Variants in NEIL1 observed in about 807,000 individuals in gnomAD.
NEIL1 encodes endonuclease 8-like 1.
A neutral mutation model predicts 44.2 loss-of-function variants in NEIL1; 31 were observed. The observed-to-expected ratio is 0.70, with a 90% confidence interval of 0.53 to 0.95. The LOEUF (loss-of-function observed/expected upper bound fraction) is 0.95, where lower values mean the gene tolerates loss of function less well. Among genes scored for constraint, NEIL1 ranks in the 40% least tolerant of loss-of-function variants. The pLI is 0.00. For synonymous variants in NEIL1, 254 were observed against 209.7 expected (o/e 1.21, Z -1.83); for missense variants, 549 against 515.5 (o/e 1.07, Z -0.63).
At chr15:75,353,224 T>TAC (rs10653888) in intron 5 of NEIL1, 4,014 of 162,786 alleles carry the variant, frequency 0.025, 75 homozygotes, top group African/African-American at 0.061. Context: ...TATATATTTA[T>TAC]ACACACACAC....
At chr15:75,352,964 A>AC (rs1435690098) in intron 5 of NEIL1, 2 of 371,226 alleles carry the variant, frequency 5.4e-6, no homozygotes, top group Non-Finnish European at 1.0e-5. Context: ...ACATGGTGAA[A>AC]CCCCATCTCT....
In NEIL1 at chr15:75,356,770, G is replaced by C. The variant is rs1238947374; in HGVS notation, c.*1736G>C. ...ACCCATTTCTCCATGCCAGCTCCCAGGCCTGGTGGGTACCCCACTTACAGC... is the reference window on the plus strand; with the variant it reads ...ACCCATTTCTCCATGCCAGCTCCCACGCCTGGTGGGTACCCCACTTACAGC... On this transcript the variant is annotated 3_prime_UTR_variant, in exon 10 of 10. Coordinates refer to ENST00000355059, the MANE Select transcript of NEIL1 (RefSeq NM_024608.4). The surrounding 1 kb of genome is among the most constrained non-coding windows in gnomAD (Gnocchi z 5.8). 2 of 1,613,656 alleles carry C rather than the reference G, an allele frequency of 1.2e-6. No individual in the cohort carries two copies. The highest frequency in any genetic ancestry group is 1.3e-5 in the African/African-American group (1 of 75,058).
chr15:75,353,252 C>T (rs2072074754), intron 5 of NEIL1: 1 of 252,294 alleles, frequency 4.0e-6, no homozygotes, highest in South Asian at 5.1e-5. Context: ...CACACACACG[C>T]ACGTTTATAT....
intron 2 of NEIL1, 90 bp from the exon 3 acceptor site, chr15:75,352,021 C>T: frequency 2.2e-6 from 3 of 1,333,908 alleles, no homozygotes; most frequent in Non-Finnish European, 3.2e-6. Context: ...TTTCCTTCCC[C>T]TTGCACCCAG....
Position 75,355,366 on chromosome 15 carries a change from T to C in NEIL1, c.*332T>C. 3.2e-6 allele frequency: 1 copy of C among 309,404 alleles called. No homozygotes were observed. Among genetic ancestry groups the C allele is most frequent in the Non-Finnish European group, 6.1e-6 (1 of 163,660 alleles). 19.2% of individuals were successfully genotyped at this position (309,404 alleles called of 1,614,324 possible). A position where few individuals can be genotyped will look rare whatever the true frequency, so the allele number is the denominator to read the frequency against. On this transcript the variant is annotated 3_prime_UTR_variant, in exon 10 of 10. Transcript: ENST00000355059. ...GAGCCCCCATCCCAGTCCTCAAGGC[T>C]CTGACTCTATCAGAGGACAGTTTGC...
In NEIL1 at chr15:75,355,116, A is replaced by G. The variant is rs1465921352; in HGVS notation, c.*82A>G. The G allele has an allele frequency of 5.5e-6, 7 of 1,264,574 alleles. No individual in the cohort carries two copies. In the Admixed American group the frequency reaches 6.1e-5, roughly 11 times the overall value. The allele number at this position is 1,264,574 out of a possible 1,614,324, so 78.3% of individuals were successfully genotyped here. The stretch of plus-strand genomic sequence containing the variant: ...GGGTCTGAATTTTTGGGAGCAGGCA[A>G]TATCTGAAGGTGCAAACAGGCCCTA... On this transcript the variant is annotated 3_prime_UTR_variant, in exon 10 of 10. Coordinates refer to ENST00000355059, the MANE Select transcript of NEIL1 (RefSeq NM_024608.4).
At position 75,349,204 on chromosome 15, in the gene NEIL1, G is replaced by A. The variant is rs757883378; in HGVS notation, c.299G>A (p.Arg100His). The A allele has an allele frequency of 2.5e-6, 4 of 1,609,076 alleles. No homozygotes were observed. Among genetic ancestry groups the A allele is most frequent in the African/African-American group, 1.3e-5 (1 of 74,936 alleles). The change falls in exon 2 of 10, where the codon CGC becomes CAC. Residue 100 changes from arginine (R) to histidine (H), a missense_variant. Coordinates refer to ENST00000355059, the MANE Select transcript of NEIL1 (RefSeq NM_024608.4). Reference protein sequence around the residue: ...REELPRHAHLRFYTAPPGPRL... With the variant: ...REELPRHAHLHFYTAPPGPRL... ...GAGCTGCCACGCCATGCCCACCTGCGCTTTTACACGGCCCCGCCTGGCCCC... is the reference window on the plus strand; with the variant it reads ...GAGCTGCCACGCCATGCCCACCTGCACTTTTACACGGCCCCGCCTGGCCCC...
Position 75,356,253 on chromosome 15 carries a change from G to C in NEIL1, c.*1219G>C. ...GAACACGTCTGGTGGGAGGGGCCGA[G>C]GGCAGGCCCAGTTCGGAACCCCGTC... On this transcript the variant is annotated 3_prime_UTR_variant, in exon 10 of 10. Coordinates refer to ENST00000355059, the MANE Select transcript of NEIL1 (RefSeq NM_024608.4). This position sits in a 1 kb window ranked among gnomAD's most constrained non-coding sequence, Gnocchi z 5.8. 1 of 1,612,184 alleles carries C rather than the reference G, an allele frequency of 6.2e-7. No homozygotes were observed. Among genetic ancestry groups the C allele is most frequent in the Non-Finnish European group, 8.5e-7 (1 of 1,179,342 alleles).
chr15:75,356,325 C>G lies in NEIL1; in HGVS notation c.*1291C>G, dbSNP rs202038615. The G allele has an allele frequency of 3.7e-6, 6 of 1,612,094 alleles. No homozygotes were observed. Among genetic ancestry groups the G allele is most frequent in the South Asian group, 2.2e-5 (2 of 90,792 alleles). On this transcript the variant is annotated 3_prime_UTR_variant, in exon 10 of 10. Transcript: ENST00000355059. The surrounding 1 kb of genome is among the most constrained non-coding windows in gnomAD (Gnocchi z 5.8). ...CCTGCTTGACGGTCTCCAATACGACCGCGGGTGAAGACACGGAAAACGCAC... is the reference window on the plus strand; with the variant it reads ...CCTGCTTGACGGTCTCCAATACGACGGCGGGTGAAGACACGGAAAACGCAC...
chr15:75,354,388 G>A lies in NEIL1; in HGVS notation c.875-43G>A, dbSNP rs941189386. On this transcript the variant is annotated intron_variant, in intron 7 of 9. Coordinates refer to ENST00000355059, the MANE Select transcript of NEIL1 (RefSeq NM_024608.4). ...CCCTGCAACCCTGGGAGTCACCCCT[G>A]GGCAGGATAGGACCCTCCAACTCCA... 3.7e-6 allele frequency: 6 copies of A among 1,613,312 alleles called. No individual in the cohort carries two copies. In the African/African-American group the frequency reaches 8.0e-5, roughly 22 times the overall value.
At chr15:75,352,915 G>A in intron 5 of NEIL1, 1 of 507,886 alleles carries the variant, frequency 2.0e-6, no homozygotes, top group Non-Finnish European at 3.6e-6. Context: ...CGAGTGGGGT[G>A]GCTCACCTGA....
At chr15:75,348,562 G>GTCTTC (rs2071623665) in intron 1 of NEIL1, 1 of 1,201,570 alleles carries the variant, frequency 8.3e-7, no homozygotes, top group African/African-American at 1.5e-5. Context: ...AGTGAGGGGA[G>GTCTTC]CCGGGAAGAA....
In NEIL1 at chr15:75,353,753, G is replaced by A. The variant is rs140982397; in HGVS notation, c.733G>A (p.Gly245Arg). The A allele has an allele frequency of 2.4e-4, 392 of 1,614,086 alleles. 2 individuals are homozygous for A. In the East Asian group the frequency reaches 4.6e-3, roughly 19 times the overall value. ...EVVQLGGKGY[G>R]SESGEEDFAA... Reference sequence around the variant, plus strand: ...CTGTCCCACAGGGGGCAAAGGCTACGGGTCAGAGAGCGGGGAGGAGGACTT... The same window carrying A: ...CTGTCCCACAGGGGGCAAAGGCTACAGGTCAGAGAGCGGGGAGGAGGACTT... Residue 245 changes from glycine to arginine, a missense_variant, in exon 6 of 10, where the codon GGG becomes AGG. Gly to Arg is a moderately radical substitution (Grantham distance 125). Coordinates refer to ENST00000355059, the MANE Select transcript of NEIL1 (RefSeq NM_024608.4).
Position 75,356,480 on chromosome 15 carries a change from G to T in NEIL1, c.*1446G>T. 6.3e-7 allele frequency: 1 copy of T among 1,576,826 alleles called. No individual in the cohort carries two copies. On this transcript the variant is annotated 3_prime_UTR_variant, in exon 10 of 10. Coordinates refer to ENST00000355059, the MANE Select transcript of NEIL1 (RefSeq NM_024608.4). This position sits in a 1 kb window ranked among gnomAD's most constrained non-coding sequence, Gnocchi z 5.8. ...GTACGACCAGGAAACAATGCTGGTG[G>T]AGAATGGGGGCTACCCTCCCCTGTC...
chr15:75,348,203 C>A, intron 1 of NEIL1: 1 of 722,340 alleles, frequency 1.4e-6, no homozygotes, highest in Non-Finnish European at 1.7e-6. Context: ...CTGGCCCCTG[C>A]CCTGACCCGG....
intron 2 of NEIL1, chr15:75,351,427 C>A (rs2071883922): frequency 8.2e-6 from 3 of 364,998 alleles, no homozygotes; most frequent in Non-Finnish European, 1.1e-5. Flanking sequence ...AGGAGTGCAT[C>A]ACTAAGCCCC....
Position 75,349,213 on chromosome 15 carries a change from C to G in NEIL1, c.308C>G (p.Thr103Arg), listed in dbSNP as rs1381158760. 1 of 1,609,226 alleles carries G rather than the reference C, an allele frequency of 6.2e-7. No homozygotes were observed. The highest frequency in any genetic ancestry group is 8.5e-7 in the Non-Finnish European group (1 of 1,179,860). ...CGCCATGCCCACCTGCGCTTTTACA[C>G]GGCCCCGCCTGGCCCCCGGCTCGCC... is the stretch of plus-strand genomic sequence containing the variant. Reference protein sequence around the residue: ...LPRHAHLRFYTAPPGPRLALC... With the variant: ...LPRHAHLRFYRAPPGPRLALC... The change falls in exon 2 of 10, where the codon ACG becomes AGG. Residue 103 changes from threonine to arginine, a missense_variant. Transcript: ENST00000355059.
Position 75,349,177 on chromosome 15 carries a change from A to G in NEIL1, c.272A>G (p.Glu91Gly), listed in dbSNP as rs2071681275. Reference sequence around the variant, plus strand: ...GGCTCTTTTCAGCTGGTGCCCCGCGAGGAGCTGCCACGCCATGCCCACCTG... The same window carrying G: ...GGCTCTTTTCAGCTGGTGCCCCGCGGGGAGCTGCCACGCCATGCCCACCTG... ...MSGSFQLVPR[E>G]ELPRHAHLRF... The change falls in exon 2 of 10, where the codon GAG (glutamate) becomes GGG (glycine). Residue 91 changes from glutamate to glycine, a missense_variant. Coordinates refer to ENST00000355059, the MANE Select transcript of NEIL1 (RefSeq NM_024608.4). 6.2e-7 allele frequency: 1 copy of G among 1,609,074 alleles called. No individual in the cohort carries two copies. The highest frequency in any genetic ancestry group is 1.3e-5 in the African/African-American group (1 of 74,928).
rs1344806032 is a variant in NEIL1, at chr15:75,352,658, G to A, written c.675G>A (p.Leu225=). 44 of 1,613,398 alleles carry A rather than the reference G, an allele frequency of 2.7e-5. No homozygotes were observed. Among genetic ancestry groups the A allele is most frequent in the Non-Finnish European group, 3.3e-5 (39 of 1,179,676 alleles). ...KIRTKLQNPD[L]LELCHSVPKE... is the part of the protein sequence containing the mutation. The stretch of plus-strand genomic sequence containing the variant: ...GGACCAAGCTGCAGAATCCAGACCT[G>A]CTGGAGCTATGTCACTCAGTGCCCA... Residue 225 remains leucine (L), a synonymous_variant, in exon 5 of 10, where the codon CTG becomes CTA. Coordinates refer to ENST00000355059, the MANE Select transcript of NEIL1 (RefSeq NM_024608.4).
Sources: allele counts gnomAD v4.1 joint callset, GRCh38; gene constraint gnomAD v4.1.1; non-coding constraint Gnocchi (gnomAD v3.1); transcripts MANE v1.5; gene names NCBI Gene and HGNC (gene_info 2026-07-23, HGNC 2026-07-21).